SELENOI: variants seen among roughly 807,000 people sequenced by gnomAD.
SELENOI encodes selenoprotein I.
Under a neutral mutation model 50.7 loss-of-function variants are expected in SELENOI, and 24 were observed. The observed-to-expected ratio is 0.47, with a 90% CI of 0.34 to 0.67. SELENOI has a LOEUF of 0.67. Among genes scored for constraint, SELENOI ranks in the 30% least tolerant of loss-of-function variants. The pLI, the probability that SELENOI is intolerant of heterozygous loss-of-function variation, is 0.01. For missense variants in SELENOI, 352 were observed against 461.4 expected, an observed-to-expected ratio of 0.76 and a Z score of 2.17; for synonymous variants, 155 against 170.2, an observed-to-expected ratio of 0.91 and a Z score of 0.70.
At chr2:26,349,884 G>T (rs1263970230) in intron 1 of SELENOI, among the ~76,000 whole-genome samples, 1 of 142,358 alleles carries the variant, frequency 7.0e-6, no homozygotes, top group Non-Finnish European at 1.5e-5. Context: ...GAGGTGGGAG[G>T]ATGGCTTGAG....
intron 6 of SELENOI, among the ~76,000 whole-genome samples, chr2:26,381,668 GCTAAAAATTTCT>G (rs2147960932): frequency 6.6e-6 from 1 of 152,252 alleles, no homozygotes; most frequent in East Asian, 1.9e-4. Context: ...GGAGTAAGCT[GCTAAAAATTTCT>G]GAGAACACTG....
intron 1 of SELENOI, among the ~76,000 whole-genome samples, chr2:26,349,932 C>CAAAAAAAA (rs70950184): frequency 2.2e-4 from 12 of 55,286 alleles, no homozygotes; most frequent in African/African-American, 8.3e-4. Flanking sequence ...CTCATCTCCA[C>CAAAAAAAA]AAAAAAAAAA....
At chr2:26,348,691 CTT>C (rs75143515) in intron 1 of SELENOI, among the ~76,000 whole-genome samples, 34 of 144,548 alleles carry the variant, frequency 2.4e-4, no homozygotes, top group East Asian at 1.4e-3. Context: ...CTATGGCTGA[CTT>C]TTTTTTTTTT....
At chr2:26,371,594 T>C (rs1198252219) in intron 4 of SELENOI, among the ~76,000 whole-genome samples, 20 of 152,170 alleles carry the variant, frequency 1.3e-4, no homozygotes, top group Admixed American at 1.2e-3. Flanking sequence ...TGAACCAGAC[T>C]CCGTCTGCAA....
intron 4 of SELENOI, among the ~76,000 whole-genome samples, chr2:26,371,309 C>T (rs57750754): frequency 0.36 from 52,781 of 145,570 alleles, 9,370 homozygotes; most frequent in Non-Finnish European, 0.47. Flanking sequence ...GGGTGGCGGC[C>T]GGGCAGAGGC....
Position 26,385,145 on chromosome 2 carries a change from A to G in SELENOI, c.912+6A>G, listed in dbSNP as rs186610692. 6.8e-7 allele frequency: 1 copy of G among 1,475,410 alleles called. No individual in the cohort carries two copies. The highest frequency in any genetic ancestry group is 9.0e-7 in the Non-Finnish European group (1 of 1,108,202). The allele number at this position is 1,475,410 out of a possible 1,614,324, so 91.4% of individuals were successfully genotyped here. A position where few individuals can be genotyped will look rare whatever the true frequency, so the allele number is the denominator to read the frequency against. ...CAGCTTTTGCCAACAGTACAGTAAG[A>G]TTTTTTTCTTTTAAAAATCATAATA... On this transcript the variant is annotated splice_donor_region_variant and intron_variant, in intron 8 of 9. Coordinates refer to ENST00000260585, the MANE Select transcript of SELENOI (RefSeq NM_033505.4).
intron 1 of SELENOI, among the ~76,000 whole-genome samples, chr2:26,348,996 C>CTTTTTTTTTTTTT (rs869073468): frequency 3.5e-5 from 2 of 57,722 alleles, no homozygotes; most frequent in African/African-American, 4.8e-5. Flanking sequence ...TTTGGACAGG[C>CTTTTTTTTTTTTT]TTTTTTTTTT....
At position 26,385,138 on chromosome 2, in the gene SELENOI, C is replaced by T; in HGVS notation, c.911C>T (p.Thr304Ile). The change falls in exon 8 of 10, where the codon ACA becomes ATA. Residue 304 changes from threonine (T) to isoleucine (I), a missense_variant and splice_region_variant. Transcript: ENST00000260585. ...GTTGGAACAGCTTTTGCCAACAGTA[C>T]AGTAAGATTTTTTTCTTTTAAAAAT... ...FMVGTAFANSTCQLIVCQMSS... is the reference protein window; with the variant it reads ...FMVGTAFANSICQLIVCQMSS... 1 of 1,506,276 alleles carries T rather than the reference C, an allele frequency of 6.6e-7. No individual in the cohort carries two copies. The highest frequency in any genetic ancestry group is 8.9e-7 in the Non-Finnish European group (1 of 1,127,592). The allele number at this position is 1,506,276 out of a possible 1,614,324, so 93.3% of individuals were successfully genotyped here. A position where few individuals can be genotyped will look rare whatever the true frequency, so the allele number is the denominator to read the frequency against.
At chr2:26,363,254 A>G (rs918066166) in intron 1 of SELENOI, among the ~76,000 whole-genome samples, 1 of 152,198 alleles carries the variant, frequency 6.6e-6, no homozygotes, top group Non-Finnish European at 1.5e-5. Flanking sequence ...CCTTATGACA[A>G]TCCCTTGAGG....
At chr2:26,373,271 C>A in intron 4 of SELENOI, 96 bp from the exon 5 acceptor site, 1 of 1,391,178 alleles carries the variant, frequency 7.2e-7, no homozygotes, top group Admixed American at 2.5e-5. Context: ...CTGTGATAAG[C>A]TGATTTGTTT....
At chr2:26,369,290 T>C (rs1677357803) in intron 4 of SELENOI, among the ~76,000 whole-genome samples, 1 of 152,242 alleles carries the variant, frequency 6.6e-6, no homozygotes, top group African/African-American at 2.4e-5. Context: ...TGATCTGTGT[T>C]CTGAGTTCCT....
At chr2:26,373,333 G>T in intron 4 of SELENOI, 34 bp from the exon 5 acceptor site, 5 of 1,585,934 alleles carry the variant, frequency 3.2e-6, no homozygotes, top group Non-Finnish European at 4.3e-6. Flanking sequence ...TGGTGCATAC[G>T]TTGAACTTTT....
At chr2:26,376,683 T>C (rs189383857) in intron 6 of SELENOI, among the ~76,000 whole-genome samples, 106 of 152,356 alleles carry the variant, frequency 7.0e-4, no homozygotes, top group African/African-American at 2.5e-3. Flanking sequence ...ATTTGCCTTA[T>C]ATTTGACCTA....
chr2:26,373,733 A>C, intron 5 of SELENOI, 104 bp downstream of exon 5: 1 of 1,184,990 alleles, frequency 8.4e-7, no homozygotes, highest in African/African-American at 1.5e-5. Context: ...ATTAGAATTG[A>C]TATGTACTTA....
chr2:26,349,558 G>A lies in SELENOI; in HGVS notation c.57+3269G>A, dbSNP rs1010904381. On this transcript the variant is annotated intron_variant, in intron 1 of 9. Coordinates refer to ENST00000260585, the MANE Select transcript of SELENOI (RefSeq NM_033505.4). ...TGACCTCAGGTGATCCACCCACCTCGGCCTCCCAAAGTGTTGGGATTAAAG... is the reference window on the plus strand; with the variant it reads ...TGACCTCAGGTGATCCACCCACCTCAGCCTCCCAAAGTGTTGGGATTAAAG... Among the ~76,000 whole-genome samples, 3 of 151,878 alleles carry A rather than the reference G, an allele frequency of 2.0e-5. No individual in the cohort carries two copies. In the East Asian group the frequency reaches 5.8e-4, roughly 29 times the overall value.
intron 4 of SELENOI, 131 bp from the exon 5 acceptor site, chr2:26,373,236 C>T: frequency 9.2e-7 from 1 of 1,083,690 alleles, no homozygotes; most frequent in South Asian, 1.7e-5. Flanking sequence ...TTTATAGTAC[C>T]AGCTGATAGC....
chr2:26,367,256 C>T (rs1677305409), intron 4 of SELENOI, 36 bp downstream of exon 4: 3 of 1,498,652 alleles, frequency 2.0e-6, no homozygotes, highest in East Asian at 2.3e-5. Context: ...TAGTCAGTGA[C>T]TGGTGAATCA....
In SELENOI at chr2:26,375,161, A is replaced by T. The variant is rs761994895; in HGVS notation, c.682+13A>T. 4.6e-6 allele frequency: 7 copies of T among 1,510,234 alleles called. No individual in the cohort carries two copies. The highest frequency in any genetic ancestry group is 6.4e-6 in the Non-Finnish European group (7 of 1,090,778). 93.6% of individuals were successfully genotyped at this position (1,510,234 alleles called of 1,614,324 possible). A position where few individuals can be genotyped will look rare whatever the true frequency, so the allele number is the denominator to read the frequency against. ...GCAATGATTATTGGTAAGAAGCTCC[A>T]TGTTGAAGCCTGTTTTAACCATCAC... On this transcript the variant is annotated intron_variant, in intron 6 of 9. Transcript: ENST00000260585.
chr2:26,347,936 A>G (rs749967585), intron 1 of SELENOI, among the ~76,000 whole-genome samples: 9 of 152,164 alleles, frequency 5.9e-5, no homozygotes, highest in Non-Finnish European at 1.0e-4. Context: ...ATGACTTCCT[A>G]TCATCCTGGA....
Sources: allele counts gnomAD v4.1 joint callset (sites outside exome capture counted in the v4.1 genomes callset), GRCh38; gene constraint gnomAD v4.1.1; transcripts MANE v1.5; gene names NCBI Gene and HGNC (gene_info 2026-07-23, HGNC 2026-07-21).